Variants in COL17A1 observed in about 807,000 individuals in gnomAD.
The protein encoded by COL17A1 is collagen type XVII alpha 1 chain, also known as collagen alpha-1(XVII) chain.
Under a neutral mutation model 218.4 loss-of-function variants are expected in COL17A1, and 181 were observed. The ratio of observed to expected loss-of-function variants is 0.83; its 90% CI spans 0.73 to 0.94. The LOEUF is 0.94. Ranked by LOEUF, COL17A1 falls within the 40% of genes least tolerant of loss-of-function variation. The pLI, the probability that COL17A1 is intolerant of heterozygous loss-of-function variation, is 0.00. For missense variants in COL17A1, 1,924 were observed against 1,945.9 expected (o/e 0.99, Z 0.21); for synonymous variants, 721 against 731.0 (o/e 0.99, Z 0.22).
intron 36 of COL17A1, among the ~76,000 whole-genome samples, chr10:104,041,837 C>A (rs1033458682): frequency 6.6e-6 from 1 of 152,238 alleles, no homozygotes; most frequent in Non-Finnish European, 1.5e-5. Flanking sequence ...CCTGCTCCCA[C>A]ACGTCTAGCT....
chr10:104,082,484 TGCGCCTG>T (rs2086773653), intron 1 of COL17A1, among the ~76,000 whole-genome samples: 2 of 152,218 alleles, frequency 1.3e-5, no homozygotes. Context: ...AACCTTTAAA[TGCGCCTG>T]GCAGTCAGTG....
chr10:104,058,025 T>C (rs1490679858), intron 16 of COL17A1, 121 bp downstream of exon 16: 1 of 1,450,760 alleles, frequency 6.9e-7, no homozygotes, highest in Non-Finnish European at 9.5e-7. Context: ...AGGGAAACTC[T>C]TTAGAGTCTG....
intron 44 of COL17A1, 52 bp from the exon 45 acceptor site, chr10:104,038,580 C>G: frequency 6.2e-7 from 1 of 1,601,068 alleles, no homozygotes; most frequent in Non-Finnish European, 8.5e-7. Flanking sequence ...TAGGGTCAGA[C>G]AAACGGGCCC....
chr10:104,049,484 A>T lies in COL17A1; in HGVS notation c.2165-13T>A, dbSNP rs1017318882. Reference sequence around the variant, plus strand: ...ATGCCAGGCTCGCCTGCAAAGGACAAAGAACTAGCTGGTTGGACACTTGCA... The same window carrying T: ...ATGCCAGGCTCGCCTGCAAAGGACATAGAACTAGCTGGTTGGACACTTGCA... On this transcript the variant is annotated splice_polypyrimidine_tract_variant and intron_variant, in intron 28 of 55. Coordinates refer to ENST00000648076, the MANE Select transcript of COL17A1 (RefSeq NM_000494.4). 21 of 1,614,000 alleles carry T rather than the reference A, an allele frequency of 1.3e-5. No homozygotes were observed. The highest frequency in any genetic ancestry group is 1.6e-4 in the Middle Eastern group (1 of 6,084).
chr10:104,039,892 C>G (rs2086341051), intron 41 of COL17A1, 81 bp downstream of exon 41: 1 of 1,585,862 alleles, frequency 6.3e-7, no homozygotes, highest in Non-Finnish European at 8.7e-7. Flanking sequence ...GCCTTTCTAT[C>G]AAGCTCAAAG....
chr10:104,037,497 CGATT>C, intron 46 of COL17A1, 135 bp downstream of exon 46: 3 of 1,193,042 alleles, frequency 2.5e-6, no homozygotes, highest in Non-Finnish European at 3.7e-6. Context: ...CCCAGTGGCC[CGATT>C]ATTATGAATT....
At chr10:104,044,492 T>A (rs1472678717) in intron 33 of COL17A1, among the ~76,000 whole-genome samples, 1 of 152,188 alleles carries the variant, frequency 6.6e-6, no homozygotes, top group Non-Finnish European at 1.5e-5. Flanking sequence ...CGGACTCACT[T>A]GGGGAAACCA....
Position 104,055,790 on chromosome 10 carries a change from T to G in COL17A1, c.1679A>C (p.Gln560Pro), listed in dbSNP as rs1443796535. 1.2e-6 allele frequency: 2 copies of G among 1,614,022 alleles called. No homozygotes were observed. Among genetic ancestry groups the G allele is most frequent in the African/African-American group, 2.7e-5 (2 of 74,920 alleles). Residue 560 changes from glutamine (Q) to proline (P), a missense_variant, in exon 18 of 56, where the codon CAG becomes CCG. By Grantham distance (76) the Gln-to-Pro change is moderately conservative (BLOSUM62 -1). Coordinates refer to ENST00000648076, the MANE Select transcript of COL17A1 (RefSeq NM_000494.4). The stretch of plus-strand genomic sequence containing the variant: ...CCCGGCGATGCTCTCACCATTTTCC[T>G]GTTCCATCATTAGCTTCTTCCTCAC... ...MFVRKKLMME[Q>P]ENGNLRGSPG...
At chr10:104,062,548 G>A (rs1033587605) in intron 11 of COL17A1, among the ~76,000 whole-genome samples, 12 of 152,122 alleles carry the variant, frequency 7.9e-5, no homozygotes, top group African/African-American at 2.4e-4. Context: ...TACTTATTAC[G>A]TAGTTAGGTC....
chr10:104,059,555 T>G, intron 15 of COL17A1, 83 bp downstream of exon 15: 1 of 1,306,992 alleles, frequency 7.7e-7, no homozygotes, highest in Non-Finnish European at 1.1e-6. Flanking sequence ...GACCACACTT[T>G]GAGTAGCAAG....
chr10:104,037,021 T>A (rs1415762411), intron 47 of COL17A1, 24 bp downstream of exon 47: 1 of 1,590,056 alleles, frequency 6.3e-7, no homozygotes, highest in Non-Finnish European at 8.6e-7. Flanking sequence ...AGTCCCACCC[T>A]CGATCCCCCC....
intron 12 of COL17A1, 51 bp downstream of exon 12, chr10:104,062,207 G>T (rs774640767): frequency 1.2e-6 from 2 of 1,613,838 alleles, no homozygotes; most frequent in African/African-American, 2.7e-5. Flanking sequence ...AGTTGTAGCT[G>T]CAAAGAGGTG....
At chr10:104,079,306 C>G (rs914439361) in intron 2 of COL17A1, among the ~76,000 whole-genome samples, 2 of 152,118 alleles carry the variant, frequency 1.3e-5, no homozygotes, top group Non-Finnish European at 2.9e-5. Flanking sequence ...ACAGAAGACC[C>G]TACCTATCTG....
In COL17A1 at chr10:104,063,923, T is replaced by G. The variant is rs115533140; in HGVS notation, c.767-105A>C. The G allele has an allele frequency of 3.4e-4, 516 of 1,531,910 alleles. 1 individual carries two copies. In the African/African-American group the frequency reaches 6.3e-3, roughly 19 times the overall value. The allele number at this position is 1,531,910 out of a possible 1,614,324, so 94.9% of individuals were successfully genotyped here. A position where few individuals can be genotyped will look rare whatever the true frequency, so the allele number is the denominator to read the frequency against. On this transcript the variant is annotated intron_variant, in intron 10 of 55. Transcript: ENST00000648076. ...CAGAAGAAATGCCAGGATTGGGTTT[T>G]TATATTTTGGTAAATTTTTGTTTTT...
chr10:104,038,037 T>A (rs537342538), intron 45 of COL17A1, among the ~76,000 whole-genome samples: 1 of 152,266 alleles, frequency 6.6e-6, no homozygotes, highest in South Asian at 2.1e-4. Context: ...ATTTGACAAA[T>A]GAGCACATGC....
chr10:104,075,855 G>A (rs550245854), intron 5 of COL17A1, among the ~76,000 whole-genome samples: 4 of 152,270 alleles, frequency 2.6e-5, no homozygotes, highest in African/African-American at 9.6e-5. Context: ...ACTCTTACTC[G>A]TCATGAGGAC....
Position 104,059,568 on chromosome 10 carries a change from CTCCGAAGA to C in COL17A1, c.1222+62_1222+69del, listed in dbSNP as rs757249170. 81 of 1,421,170 alleles carry C rather than the reference CTCCGAAGA, an allele frequency of 5.7e-5. No individual in the cohort carries two copies. The African/African-American group carries it at 1.1e-3, about 19-fold the overall frequency. The allele number at this position is 1,421,170 out of a possible 1,614,324, so 88.0% of individuals were successfully genotyped here. On this transcript the variant is annotated intron_variant, in intron 15 of 55. Transcript: ENST00000648076. ...TGGACCACACTTTGAGTAGCAAGGTCTCCGAAGACAATGAAATGAAATGTGGCCTGGCT... is the reference window on the plus strand; with the variant it reads ...TGGACCACACTTTGAGTAGCAAGGTCCAATGAAATGAAATGTGGCCTGGCT...
intron 39 of COL17A1, 116 bp from the exon 40 acceptor site, chr10:104,040,526 G>C: frequency 3.8e-6 from 2 of 522,684 alleles, no homozygotes; most frequent in South Asian, 3.1e-5. Context: ...AGTTGGATGG[G>C]TGGATGGATG....
At position 104,056,708 on chromosome 10, in the gene COL17A1, A is replaced by G. The variant is rs1449698419; in HGVS notation, c.1465+267T>C. On this transcript the variant is annotated intron_variant, in intron 17 of 55. Transcript: ENST00000648076. ...CCAAGGGCAGCCAGGTGCTTAGACC[A>G]GGGCCTACAGGTGTAGCAAGGGTGG... Among the ~76,000 whole-genome samples the G allele has an allele frequency of 4.6e-5, 7 of 152,322 alleles. No homozygotes were observed. The South Asian group carries it at 6.2e-4, about 14-fold the overall frequency.
Sources: allele counts gnomAD v4.1 joint callset (sites outside exome capture counted in the v4.1 genomes callset), GRCh38; gene constraint gnomAD v4.1.1; transcripts MANE v1.5; gene names NCBI Gene and HGNC (gene_info 2026-07-23, HGNC 2026-07-21).